Variants in GCH1 observed in about 807,000 individuals in gnomAD.
The protein encoded by GCH1 is GTP cyclohydrolase I.
A neutral mutation model predicts 25.9 loss-of-function variants in GCH1; 5 were observed. The observed-to-expected ratio is 0.19, with a 90% confidence interval of 0.10 to 0.41. The LOEUF (loss-of-function observed/expected upper bound fraction) is 0.41. Among genes scored for constraint, GCH1 ranks in the 10% least tolerant of loss-of-function variants. The probability of loss-of-function intolerance (pLI) is 1.00; values close to 1 mark genes in which losing one functional copy is unlikely to be tolerated. For missense variants in GCH1, 261 were observed against 336.5 expected (o/e 0.78, Z 1.75); for synonymous variants, 159 against 129.6 (o/e 1.23, Z -1.54).
intron 3 of GCH1, among the ~76,000 whole-genome samples, chr14:54,853,447 G>A (rs1252792197): frequency 1.3e-5 from 2 of 152,216 alleles, no homozygotes; most frequent in African/African-American, 4.8e-5. Context: ...AGGGAGGACA[G>A]AATCCAGACT....
intron 1 of GCH1, 136 bp downstream of exon 1, chr14:54,902,185 G>T: frequency 1.1e-6 from 1 of 924,304 alleles, no homozygotes; most frequent in Non-Finnish European, 1.7e-6. Flanking sequence ...AGGCTAGGGC[G>T]GGTTCGGAGG....
chr14:54,902,552 T>C lies in GCH1; in HGVS notation c.112A>G (p.Lys38Glu). The C allele has an allele frequency of 6.5e-7, 1 of 1,533,168 alleles. No homozygotes were observed. Among genetic ancestry groups the C allele is most frequent in the Non-Finnish European group, 8.8e-7 (1 of 1,141,272 alleles). The allele number at this position is 1,533,168 out of a possible 1,614,324, so 95.0% of individuals were successfully genotyped here. A position where few individuals can be genotyped will look rare whatever the true frequency, so the allele number is the denominator to read the frequency against. The part of the protein sequence containing the change: ...PRPGPSRPAE[K>E]PPRPEAKSAQ... ...CTCTTGGCCTCGGGCCGCGGGGGCT[T>C]CTCCGCCGGCCTGCTGGGCCCGGGC... Residue 38 changes from lysine (K) to glutamate (E), a missense_variant, in exon 1 of 6, where the codon AAG becomes GAG. Transcript: ENST00000491895.
At chr14:54,871,953 T>G (rs1209913160) in intron 1 of GCH1, among the ~76,000 whole-genome samples, 1 of 152,010 alleles carries the variant, frequency 6.6e-6, no homozygotes, top group Non-Finnish European at 1.5e-5. Context: ...ACTTCCCCAA[T>G]CTAGCAAGGC....
intron 1 of GCH1, among the ~76,000 whole-genome samples, chr14:54,870,399 T>C (rs2040053792): frequency 7.1e-6 from 1 of 141,302 alleles, no homozygotes; most frequent in African/African-American, 2.6e-5. Flanking sequence ...TAGGGACAGC[T>C]CCAGTCTACA....
intron 1 of GCH1, chr14:54,885,143 C>A: frequency 3.9e-6 from 1 of 256,976 alleles, no homozygotes; most frequent in South Asian, 5.2e-5. Context: ...GTAGGGTCCC[C>A]AAAGAGGTCA....
Position 54,878,648 on chromosome 14 carries a change from A to C in GCH1, c.344-13212T>G, listed in dbSNP as rs933522123. Among the ~76,000 whole-genome samples, 3 of 152,332 alleles carry C rather than the reference A, an allele frequency of 2.0e-5. No homozygotes were observed. In the South Asian group the frequency reaches 6.2e-4, roughly 32 times the overall value. Reference sequence around the variant, plus strand: ...GCTATAAGTTTCTGAGTTAAGCATTATATCTGAAGGCTTTGGAGCTTCTAC... The same window carrying C: ...GCTATAAGTTTCTGAGTTAAGCATTCTATCTGAAGGCTTTGGAGCTTCTAC... On this transcript the variant is annotated intron_variant, in intron 1 of 5. Transcript: ENST00000491895.
intron 1 of GCH1, among the ~76,000 whole-genome samples, chr14:54,899,494 A>G (rs942396301): frequency 4.0e-5 from 6 of 151,892 alleles, no homozygotes; most frequent in Non-Finnish European, 1.5e-5. Flanking sequence ...AATAATCTTA[A>G]ATGGTCCGCT....
intron 1 of GCH1, 114 bp downstream of exon 1, chr14:54,902,207 G>A (rs896493210): frequency 5.5e-5 from 66 of 1,190,374 alleles, no homozygotes; most frequent in South Asian, 2.7e-4. Context: ...GACAGCGCCC[G>A]GCTTCCTGCG....
At chr14:54,877,285 C>T (rs2040175639) in intron 1 of GCH1, among the ~76,000 whole-genome samples, 1 of 152,176 alleles carries the variant, frequency 6.6e-6, no homozygotes, top group Admixed American at 6.5e-5. Context: ...TTGGTCACAA[C>T]CACAAACAAA....
At position 54,902,779 on chromosome 14, in the gene GCH1, T is replaced by C. The variant is rs2040590730; in HGVS notation, c.-116A>G. 5.3e-6 allele frequency: 7 copies of C among 1,311,784 alleles called. No homozygotes were observed. The highest frequency in any genetic ancestry group is 3.9e-5 in the South Asian group (2 of 51,046). The allele number at this position is 1,311,784 out of a possible 1,614,324, so 81.3% of individuals were successfully genotyped here. A position where few individuals can be genotyped will look rare whatever the true frequency, so the allele number is the denominator to read the frequency against. On this transcript the variant is annotated 5_prime_UTR_variant, in exon 1 of 6. Coordinates refer to ENST00000491895, the MANE Select transcript of GCH1 (RefSeq NM_000161.3). The stretch of plus-strand genomic sequence containing the variant: ...TGTGGCCGGAGTCACCTGAGGAAGG[T>C]ACGCAACCTGCTTAGATCACACTCC...
intron 1 of GCH1, chr14:54,886,270 C>T (rs2040350366): frequency 6.5e-6 from 1 of 152,680 alleles, no homozygotes; most frequent in Admixed American, 6.5e-5. Flanking sequence ...TTAAATTTTA[C>T]ATTTAGTTTG....
In GCH1 at chr14:54,867,589, CAAAAAAAAAAAA is replaced by C. The variant is rs1029899399; in HGVS notation, c.344-2165_344-2154del. Among the ~76,000 whole-genome samples, 10 of 46,648 alleles carry C rather than the reference CAAAAAAAAAAAA, an allele frequency of 2.1e-4. 1 individual carries two copies. Among genetic ancestry groups the C allele is most frequent in the Middle Eastern group, 0.026 (2 of 78 alleles). 30.6% of individuals were successfully genotyped at this position (46,648 alleles called of 152,430 possible). On this transcript the variant is annotated intron_variant, in intron 1 of 5. Coordinates refer to ENST00000491895, the MANE Select transcript of GCH1 (RefSeq NM_000161.3). Reference sequence around the variant, plus strand: ...GGCAAGAGAGAACAAGACTCCGTCTCAAAAAAAAAAAAAAAAAAAAAAAAAGATCTGGCTCCA... The same window carrying C: ...GGCAAGAGAGAACAAGACTCCGTCTCAAAAAAAAAAAAAGATCTGGCTCCA...
At chr14:54,858,586 G>A (rs909794094) in intron 3 of GCH1, among the ~76,000 whole-genome samples, 16 of 151,568 alleles carry the variant, frequency 1.1e-4, no homozygotes, top group Admixed American at 3.3e-4. Flanking sequence ...GCACCCGGCC[G>A]AGACTCATTT....
intron 3 of GCH1, among the ~76,000 whole-genome samples, chr14:54,855,738 C>A (rs1473594646): frequency 6.6e-6 from 1 of 151,940 alleles, no homozygotes; most frequent in African/African-American, 2.4e-5. Context: ...CACTTGAACC[C>A]AGGAGGCAGA....
rs115242633 is a variant in GCH1 at position 54,892,053 on chromosome 14, A to G, written c.343+10268T>C. The stretch of plus-strand genomic sequence containing the variant: ...AAATCATTACGCTGAGGTTGCTAAA[A>G]CTATATTAAGAACAAATCTTCTATC... On this transcript the variant is annotated intron_variant, in intron 1 of 5. Transcript: ENST00000491895. Among the ~76,000 whole-genome samples the G allele has an allele frequency of 6.4e-3, 974 of 152,316 alleles. 12 individuals carry two copies. The highest frequency in any genetic ancestry group is 0.022 in the African/African-American group (910 of 41,554).
intron 1 of GCH1, among the ~76,000 whole-genome samples, chr14:54,898,434 A>C (rs117170696): frequency 1.3e-5 from 2 of 152,264 alleles, no homozygotes; most frequent in East Asian, 3.9e-4. Flanking sequence ...TAAACTTTAT[A>C]AACACTGTAC....
intron 1 of GCH1, among the ~76,000 whole-genome samples, chr14:54,901,928 C>G (rs1370066095): frequency 6.6e-6 from 1 of 152,212 alleles, no homozygotes; most frequent in Non-Finnish European, 1.5e-5. Context: ...GTCGCCGCAG[C>G]AAGTGCCCAG....
chr14:54,846,686 T>C lies in GCH1; in HGVS notation c.541+413A>G, dbSNP rs564807997. On this transcript the variant is annotated intron_variant, in intron 4 of 5. Coordinates refer to ENST00000491895, the MANE Select transcript of GCH1 (RefSeq NM_000161.3). ...GAAGCTTGAAACAGTAGACTTTTTATAGTCCTAAGAGGTTTTACATTTTTA... is the reference window on the plus strand; with the variant it reads ...GAAGCTTGAAACAGTAGACTTTTTACAGTCCTAAGAGGTTTTACATTTTTA... Among the ~76,000 whole-genome samples the C allele has an allele frequency of 4.6e-5, 7 of 152,368 alleles. No individual in the cohort carries two copies. In the South Asian group the frequency reaches 6.2e-4, roughly 14 times the overall value.
At chr14:54,845,657 T>C in intron 5 of GCH1, 111 bp downstream of exon 5, 1 of 769,096 alleles carries the variant, frequency 1.3e-6, no homozygotes, top group Non-Finnish European at 2.4e-6. Context: ...TCTACAGTTA[T>C]CATATCAGTT....
Sources: gnomAD v4.1 joint callset for allele counts (sites outside exome capture counted in the v4.1 genomes callset) on GRCh38, gnomAD v4.1.1 for gene constraint, MANE v1.5 for transcripts, NCBI Gene and HGNC (gene_info 2026-07-23, HGNC 2026-07-21) for gene names.